SEL1L: variants seen among roughly 807,000 people sequenced by gnomAD.
The protein encoded by SEL1L is protein sel-1 homolog 1.
Under a neutral mutation model 109.8 loss-of-function variants are expected in SEL1L, and 52 were observed. The observed-to-expected ratio is 0.47, with a 90% CI of 0.38 to 0.60. The LOEUF (loss-of-function observed/expected upper bound fraction) is 0.60, where lower values mean the gene tolerates loss of function less well. Ranked by LOEUF, SEL1L falls within the 20% of genes least tolerant of loss-of-function variation. SEL1L has a pLI of 0.00. For synonymous variants in SEL1L, 373 were observed against 339.6 expected (o/e 1.10, Z -1.08); for missense variants, 749 against 962.2 (o/e 0.78, Z 2.93).
intron 12 of SEL1L, among the ~76,000 whole-genome samples, chr14:81,491,178 ATTC>A (rs1883525049): frequency 6.6e-6 from 1 of 152,210 alleles, no homozygotes; most frequent in Non-Finnish European, 1.5e-5. Context: ...TGCGGCATTC[ATTC>A]TTCTTTCTCC....
intron 15 of SEL1L, 56 bp downstream of exon 15, chr14:81,487,799 G>A (rs1035383330): frequency 1.2e-6 from 2 of 1,604,228 alleles, no homozygotes; most frequent in Admixed American, 3.4e-5. Flanking sequence ...CCATCTAGTA[G>A]AAAACAGCTT....
chr14:81,509,836 C>T (rs571276001), intron 3 of SEL1L, among the ~76,000 whole-genome samples: 1 of 152,250 alleles, frequency 6.6e-6, no homozygotes, highest in East Asian at 1.9e-4. Flanking sequence ...TAAAAAAATG[C>T]TCCCATAAAC....
At chr14:81,494,576 G>A (rs943595588) in intron 11 of SEL1L, among the ~76,000 whole-genome samples, 3 of 152,134 alleles carry the variant, frequency 2.0e-5, no homozygotes, top group African/African-American at 7.2e-5. Context: ...CTGTAGTATG[G>A]GCAGACTAGC....
chr14:81,499,304 T>A, intron 8 of SEL1L, 155 bp downstream of exon 8: 1 of 1,394,552 alleles, frequency 7.2e-7, no homozygotes, highest in Non-Finnish European at 9.3e-7. Context: ...TTCCATGTGT[T>A]ATATCCATTA....
rs1903093332 is a variant in SEL1L, at chr14:81,474,257, A to C, written c.*2715T>G. The stretch of plus-strand genomic sequence containing the variant: ...AACACAGAGACAGAAAAAAAAAAAA[A>C]AACCCACCAATGCTACCTCTGTAAA... On this transcript the variant is annotated 3_prime_UTR_variant, in exon 21 of 21. Coordinates refer to ENST00000336735, the MANE Select transcript of SEL1L (RefSeq NM_005065.6). The C allele has an allele frequency of 1.3e-5, 2 of 151,794 alleles. No homozygotes were observed. The highest frequency in any genetic ancestry group is 6.6e-5 in the Admixed American group (1 of 15,220). The allele number at this position is 151,794 out of a possible 1,614,324, so 9.4% of individuals were successfully genotyped here.
Position 81,486,352 on chromosome 14 carries a change from G to A in SEL1L, c.1735C>T (p.Leu579Phe), listed in dbSNP as rs1313452672. Residue 579 changes from leucine to phenylalanine, a missense_variant, in exon 17 of 21, where the codon CTC becomes TTC. Transcript: ENST00000336735. The part of the protein sequence containing the change: ...GDYNAAVIQY[L>F]LLAEQGYEVA... ...TCATAGCCCTGTTCAGCCAGGAGGA[G>A]GTACTGGATCACTGCAGCATTGTAA... 1.9e-6 allele frequency: 3 copies of A among 1,614,088 alleles called. No individual in the cohort carries two copies. The highest frequency in any genetic ancestry group is 1.7e-5 in the Admixed American group (1 of 60,012).
intron 10 of SEL1L, 135 bp downstream of exon 10, chr14:81,497,757 T>G (rs1595514539): frequency 1.4e-6 from 1 of 720,658 alleles, no homozygotes; most frequent in Non-Finnish European, 2.1e-6. Flanking sequence ...GGGGCTCAGG[T>G]GATTCTAATA....
intron 3 of SEL1L, among the ~76,000 whole-genome samples, chr14:81,510,476 C>CTA (rs1167088774): frequency 2.6e-5 from 2 of 78,376 alleles, no homozygotes; most frequent in Non-Finnish European, 4.6e-5. Flanking sequence ...ATGCTGATCT[C>CTA]TCTCTCTCTC....
At position 81,472,529 on chromosome 14, in the gene SEL1L, G is replaced by A; in HGVS notation, c.*4443C>T. The stretch of plus-strand genomic sequence containing the variant: ...TTCTCCTTTACTCAGAGCATATTTA[G>A]TCTAAATGTTACTGTGTGGTACGTG... On this transcript the variant is annotated 3_prime_UTR_variant, in exon 21 of 21. Coordinates refer to ENST00000336735, the MANE Select transcript of SEL1L (RefSeq NM_005065.6). 4.8e-6 allele frequency: 2 copies of A among 418,836 alleles called. No individual in the cohort carries two copies. The highest frequency in any genetic ancestry group is 3.5e-5 in the South Asian group (2 of 57,030). 25.9% of individuals were successfully genotyped at this position (418,836 alleles called of 1,614,324 possible).
intron 20 of SEL1L, among the ~76,000 whole-genome samples, chr14:81,477,711 G>A (rs1458040841): frequency 1.3e-5 from 2 of 152,194 alleles, no homozygotes; most frequent in African/African-American, 2.4e-5. Flanking sequence ...TATTCTGGAG[G>A]CTGAGGCACA....
chr14:81,524,426 C>G (rs1885035561), intron 3 of SEL1L, among the ~76,000 whole-genome samples: 1 of 152,178 alleles, frequency 6.6e-6, no homozygotes, highest in South Asian at 2.1e-4. Context: ...ACCCATGTCT[C>G]TAGAACTAAC....
At chr14:81,494,707 C>T (rs1595511644) in intron 11 of SEL1L, among the ~76,000 whole-genome samples, 1 of 152,214 alleles carries the variant, frequency 6.6e-6, no homozygotes, top group African/African-American at 2.4e-5. Flanking sequence ...CCCTGGCAAG[C>T]GGTACCTCCT....
chr14:81,525,352 C>CTAT lies in SEL1L; in HGVS notation c.340+1378_340+1380dup, dbSNP rs1410289183. Among the ~76,000 whole-genome samples the CTAT allele has an allele frequency of 1.4e-4, 21 of 149,844 alleles. 1 individual carries two copies. ...CACCTGAGTTCAAGGCTGCAGTGAA[C>CTAT]TATGATCGTGCCACTGCACTCCAGC... On this transcript the variant is annotated intron_variant, in intron 3 of 20. Coordinates refer to ENST00000336735, the MANE Select transcript of SEL1L (RefSeq NM_005065.6).
Position 81,475,994 on chromosome 14 carries a change from A to G in SEL1L, c.*978T>C, listed in dbSNP as rs1016355428. The G allele has an allele frequency of 3.9e-5, 6 of 152,214 alleles. No homozygotes were observed. Among genetic ancestry groups the G allele is most frequent in the African/African-American group, 1.4e-4 (6 of 41,450 alleles). The allele number at this position is 152,214 out of a possible 1,614,324, so 9.4% of individuals were successfully genotyped here. ...CCTGGCAATGATATTTCATATTTAA[A>G]GAATTCAGGAAGGTGATGTGTTCTT... is the stretch of plus-strand genomic sequence containing the variant. On this transcript the variant is annotated 3_prime_UTR_variant, in exon 21 of 21. Transcript: ENST00000336735.
At position 81,498,023 on chromosome 14, in the gene SEL1L, C is replaced by T. The variant is rs1283968226; in HGVS notation, c.997G>A (p.Gly333Arg). Reference sequence around the variant, plus strand: ...CGTATTCTCTGTACTACTGAGCCTCCTGTTAGCGAGATATCACTAGCAACT... The same window carrying T: ...CGTATTCTCTGTACTACTGAGCCTCTTGTTAGCGAGATATCACTAGCAACT... ...NHVASDISLT[G>R]GSVVQRIRLP... Residue 333 changes from glycine (G) to arginine (R), a missense_variant, in exon 10 of 21, where the codon GGA becomes AGA. This residue lies in a region of SEL1L where 366 missense variants were observed against 399.8 expected (regional missense o/e 0.92). Transcript: ENST00000336735. 6.2e-7 allele frequency: 1 copy of T among 1,612,846 alleles called. No homozygotes were observed. Among genetic ancestry groups the T allele is most frequent in the Admixed American group, 1.7e-5 (1 of 59,720 alleles).
intron 17 of SEL1L, 78 bp downstream of exon 17, chr14:81,486,208 TTTC>T: frequency 7.5e-7 from 1 of 1,328,232 alleles, no homozygotes; most frequent in Non-Finnish European, 1.0e-6. Flanking sequence ...CCTAGTAGCT[TTTC>T]TTTTTGAATA....
chr14:81,496,909 G>A (rs1566975055), intron 10 of SEL1L, among the ~76,000 whole-genome samples: 4 of 152,016 alleles, frequency 2.6e-5, no homozygotes, highest in South Asian at 2.1e-4. Context: ...AGTGCTCATC[G>A]TACCAGACTT....
intron 13 of SEL1L, 70 bp from the exon 14 acceptor site, chr14:81,489,384 G>T: frequency 8.2e-7 from 1 of 1,225,766 alleles, no homozygotes; most frequent in Non-Finnish European, 1.2e-6. Flanking sequence ...ATAAATAACT[G>T]CAAAATAAAT....
rs950395983 is a variant in SEL1L, at chr14:81,475,624, C to T, written c.*1348G>A. The T allele has an allele frequency of 3.3e-5, 5 of 152,180 alleles. No individual in the cohort carries two copies. The highest frequency in any genetic ancestry group is 1.2e-4 in the African/African-American group (5 of 41,452). 9.4% of individuals were successfully genotyped at this position (152,180 alleles called of 1,614,324 possible). A position where few individuals can be genotyped will look rare whatever the true frequency, so the allele number is the denominator to read the frequency against. On this transcript the variant is annotated 3_prime_UTR_variant, in exon 21 of 21. Transcript: ENST00000336735. The stretch of plus-strand genomic sequence containing the variant: ...CTCAGACAAGATACAGGCTGGTGAA[C>T]ACCACCATCTGACAATAAAATGAAA...
Sources: allele counts gnomAD v4.1 joint callset (sites outside exome capture counted in the v4.1 genomes callset), GRCh38; gene constraint gnomAD v4.1.1; regional missense constraint gnomAD v4.1.1; transcripts MANE v1.5; gene names NCBI Gene and HGNC (gene_info 2026-07-23, HGNC 2026-07-21).